APOL5: variants seen among roughly 807,000 people sequenced by gnomAD.
The protein encoded by APOL5 is apolipoprotein L5, also known as apolipoprotein L, 5.
A neutral mutation model predicts 35.5 loss-of-function variants in APOL5; 29 were observed. The ratio of observed to expected loss-of-function variants is 0.82; its 90% CI spans 0.61 to 1.11. The LOEUF is 1.11. Among genes scored for constraint, APOL5 ranks in the 50% most tolerant of loss-of-function variants. The pLI is 0.00. For synonymous variants in APOL5, 188 were observed against 200.2 expected, an observed-to-expected ratio of 0.94 and a Z score of 0.51; for missense variants, 514 against 530.4, an observed-to-expected ratio of 0.97 and a Z score of 0.30.
chr22:35,720,778 C>G, intron 2 of APOL5, 124 bp downstream of exon 2: 1 of 690,694 alleles, frequency 1.4e-6, no homozygotes, highest in East Asian at 2.8e-5. Context: ...AGAGTCTCTT[C>G]TCTGTTGCCC....
Position 35,726,196 on chromosome 22 carries a change from C to T in APOL5, c.143-15C>T. On this transcript the variant is annotated splice_polypyrimidine_tract_variant and intron_variant, in intron 2 of 4. Coordinates refer to ENST00000249044, the MANE Select transcript of APOL5 (RefSeq NM_030642.1). ...TGCACACATTTTAGTGCTCAGATTG[C>T]CTAGATGTCTTTAGCCTCACTCGTG... 6.2e-7 allele frequency: 1 copy of T among 1,600,206 alleles called. No individual in the cohort carries two copies. Among genetic ancestry groups the T allele is most frequent in the Non-Finnish European group, 8.6e-7 (1 of 1,169,034 alleles).
chr22:35,715,368 G>A (rs1298896493), upstream of APOL5, among the ~76,000 whole-genome samples: 2 of 152,212 alleles, frequency 1.3e-5, no homozygotes, highest in Admixed American at 1.3e-4. Flanking sequence ...TGTCAGCTGG[G>A]CGTAGTGGCT....
At chr22:35,719,843 G>A (rs776500897) in intron 1 of APOL5, among the ~76,000 whole-genome samples, 4 of 152,184 alleles carry the variant, frequency 2.6e-5, no homozygotes, top group Non-Finnish European at 4.4e-5. Flanking sequence ...AGAAAAATTG[G>A]ATCACACGTG....
At chr22:35,724,481 T>C (rs575759860) in intron 2 of APOL5, among the ~76,000 whole-genome samples, 11 of 152,274 alleles carry the variant, frequency 7.2e-5, no homozygotes, top group African/African-American at 1.9e-4. Context: ...GTTATATATG[T>C]ATACATTATA....
At position 35,726,891 on chromosome 22, in the gene APOL5, G is replaced by A. The variant is rs1259239788; in HGVS notation, c.823G>A (p.Gly275Arg). 2 of 1,614,226 alleles carry A rather than the reference G, an allele frequency of 1.2e-6. No individual in the cohort carries two copies. The highest frequency in any genetic ancestry group is 1.1e-5 in the South Asian group (1 of 91,082). Residue 275 changes from glycine to arginine, a missense_variant, in exon 3 of 5, where the codon GGG (glycine) becomes AGG (arginine). Gly to Arg is a moderately radical substitution (Grantham distance 125). Around this residue, in one of 3 missense-constraint regions of APOL5, gnomAD observed 238 missense variants for 229.1 expected, o/e 1.04. Coordinates refer to ENST00000249044, the MANE Select transcript of APOL5 (RefSeq NM_030642.1). ...KRHIPFWTARGVQRAFEGTTL... is the reference protein window; with the variant it reads ...KRHIPFWTARRVQRAFEGTTL... ...ACACATCCCTTTCTGGACGGCTAGA[G>A]GGGTGCAGAGAGCCTTTGAGGGCAC...
chr22:35,714,344 T>A (rs146024679), upstream of APOL5, among the ~76,000 whole-genome samples: 3 of 152,240 alleles, frequency 2.0e-5, no homozygotes, highest in East Asian at 5.8e-4. Flanking sequence ...ATCTGCGTTA[T>A]CCCTCTGGGC....
chr22:35,717,377 G>C (rs1327969476), upstream of APOL5, among the ~76,000 whole-genome samples: 1 of 142,328 alleles, frequency 7.0e-6, no homozygotes, highest in Non-Finnish European at 1.5e-5. Context: ...CTCCAGCCCA[G>C]GTGCCAAAAT....
At chr22:35,713,161 A>C (rs577748336), upstream of APOL5, among the ~76,000 whole-genome samples, 1 of 152,138 alleles carries the variant, frequency 6.6e-6, no homozygotes, top group Non-Finnish European at 1.5e-5. Context: ...GCTCATTCCC[A>C]TTGCTTTTGG....
rs182057020 is a variant in APOL5, at chr22:35,720,655, G to A, written c.142+1G>A. ...GGGAAGTCCCCAGAACCTGAGTTCC[G>A]TGAGGGCAGAGAACAGGCTGTTATG... On this transcript the variant is annotated splice_donor_variant, in intron 2 of 4. Coordinates refer to ENST00000249044, the MANE Select transcript of APOL5 (RefSeq NM_030642.1). LOFTEE classifies it high-confidence loss of function. The A allele has an allele frequency of 1.9e-5, 30 of 1,605,750 alleles. No individual in the cohort carries two copies. The East Asian group carries it at 4.9e-4, about 26-fold the overall frequency.
At chr22:35,718,772 A>T (rs1251543046) in intron 1 of APOL5, among the ~76,000 whole-genome samples, 1 of 151,512 alleles carries the variant, frequency 6.6e-6, no homozygotes, top group Non-Finnish European at 1.5e-5. Context: ...AAAACAGGGC[A>T]CGTGGCCAGG....
chr22:35,712,536 G>T, the APOL5 span, among the ~76,000 whole-genome samples: 1 of 152,104 alleles, frequency 6.6e-6, no homozygotes, highest in Non-Finnish European at 1.5e-5. Flanking sequence ...GTTTTGATTT[G>T]CATTTTCCTA....
chr22:35,726,311 G>C lies in APOL5; in HGVS notation c.243G>C (p.Glu81Asp), dbSNP rs139790901. 17 of 1,614,096 alleles carry C rather than the reference G, an allele frequency of 1.1e-5. No homozygotes were observed. In the African/African-American group the frequency reaches 2.1e-4, roughly 20 times the overall value. Reference protein sequence around the residue: ...AGMLSYFLFEELMRCDKDSMP... With the variant: ...AGMLSYFLFEDLMRCDKDSMP... ...TGCTGTCCTACTTTCTGTTTGAAGA[G>C]CTGATGCGATGTGACAAAGATTCCA... is the stretch of plus-strand genomic sequence containing the variant. The change falls in exon 3 of 5, where the codon GAG becomes GAC. Residue 81 changes from glutamate to aspartate, a missense_variant. Coordinates refer to ENST00000249044, the MANE Select transcript of APOL5 (RefSeq NM_030642.1).
upstream of APOL5, among the ~76,000 whole-genome samples, chr22:35,714,312 A>T (rs1229498854): frequency 2.0e-5 from 3 of 152,032 alleles, no homozygotes; most frequent in Non-Finnish European, 4.4e-5. Flanking sequence ...ATTCTGTCTC[A>T]AAAAAATAAA....
At chr22:35,711,843 T>A in the APOL5 span, among the ~76,000 whole-genome samples, 2 of 151,928 alleles carry the variant, frequency 1.3e-5, no homozygotes, top group East Asian at 3.9e-4. Flanking sequence ...ACCTGGTTAA[T>A]TTTTGTATTT....
chr22:35,710,290 A>T, the APOL5 span, among the ~76,000 whole-genome samples: 2,458 of 146,352 alleles, frequency 0.017, 39 homozygotes, highest in Middle Eastern at 0.071. Flanking sequence ...CACCTGGCTA[A>T]TTTTTTTTCT....
At chr22:35,715,180 C>G (rs569559244), upstream of APOL5, among the ~76,000 whole-genome samples, 5 of 152,148 alleles carry the variant, frequency 3.3e-5, no homozygotes, top group African/African-American at 4.8e-5. Flanking sequence ...CAGAACCTGT[C>G]CAGTGGTTCT....
rs760165569 is a variant in APOL5 at position 35,726,706 on chromosome 22, A to G, written c.638A>G (p.Glu213Gly). 32 of 1,614,112 alleles carry G rather than the reference A, an allele frequency of 2.0e-5. 1 individual carries two copies. In the Admixed American group the frequency reaches 5.2e-4, roughly 26 times the overall value. Residue 213 changes from glutamate to glycine, a missense_variant, in exon 3 of 5, where the codon GAG (glutamate) becomes GGG (glycine). Physicochemically the swap from Glu to Gly is moderately conservative, Grantham distance 98 (BLOSUM62 -2). This residue lies in a region of APOL5 where 254 missense variants were observed against 254.7 expected (regional missense o/e 1.00). Transcript: ENST00000249044. ...CTGGGGCCTCTGACAACATCACATG[A>G]GGCTTTCGGAGGAATAAATTGGTCT... ...SRLGPLTTSHEAFGGINWSEI... is the reference protein window; with the variant it reads ...SRLGPLTTSHGAFGGINWSEI...
Position 35,728,743 on chromosome 22 carries a change from T to C in APOL5, c.1147T>C (p.Trp383Arg), listed in dbSNP as rs1171084770. 2.5e-6 allele frequency: 4 copies of C among 1,612,902 alleles called. No homozygotes were observed. In the African/African-American group the frequency reaches 5.3e-5, roughly 22 times the overall value. Residue 383 changes from tryptophan (W) to arginine (R), a missense_variant, in exon 4 of 5, where the codon TGG becomes CGG. Trp to Arg is a moderately radical substitution (Grantham distance 101, BLOSUM62 -3). This residue lies in a region of APOL5 where 238 missense variants were observed against 229.1 expected (regional missense o/e 1.04). Coordinates refer to ENST00000249044, the MANE Select transcript of APOL5 (RefSeq NM_030642.1). ...KPEGSRSPLP[W>R]PVVEHQPRLG... Reference sequence around the variant, plus strand: ...CACAGGGTCTCGCTCACCTCTCCCCTGGCCTGTTGTGGAGCACCAGCCTAG... The same window carrying C: ...CACAGGGTCTCGCTCACCTCTCCCCCGGCCTGTTGTGGAGCACCAGCCTAG...
At chr22:35,716,429 C>T (rs1375753280), upstream of APOL5, among the ~76,000 whole-genome samples, 3 of 152,084 alleles carry the variant, frequency 2.0e-5, no homozygotes, top group East Asian at 1.9e-4. Context: ...CCCACCACCA[C>T]GCCTGGCTAA....
Sources: allele counts gnomAD v4.1 joint callset (sites outside exome capture counted in the v4.1 genomes callset), GRCh38; gene constraint gnomAD v4.1.1; regional missense constraint gnomAD v4.1.1; transcripts MANE v1.5; gene names NCBI Gene and HGNC (gene_info 2026-07-23, HGNC 2026-07-21).